The following HYKK variants were observed in gnomAD, a reference collection of about 807,000 sequenced individuals.
HYKK encodes the protein hydroxylysine kinase, also known as 5-hydroxy-L-lysine kinase.
A neutral mutation model predicts 29.7 loss-of-function variants in HYKK; 19 were observed. The ratio of observed to expected loss-of-function variants is 0.64; its 90% CI spans 0.45 to 0.94. HYKK has a LOEUF of 0.94. Ranked by LOEUF, HYKK falls within the 40% of genes least tolerant of loss-of-function variation. The pLI, the probability that HYKK is intolerant of heterozygous loss-of-function variation, is 0.00. For missense variants in HYKK, 390 were observed against 443.4 expected (o/e 0.88, Z 1.08); for synonymous variants, 152 against 158.1 (o/e 0.96, Z 0.29).
intron 3 of HYKK, among the ~76,000 whole-genome samples, chr15:78,523,767 A>G (rs1047306408): frequency 6.6e-6 from 1 of 152,248 alleles, no homozygotes; most frequent in African/African-American, 2.4e-5. Context: ...AAAAGGGAGA[A>G]ATCAGCCAAA....
At position 78,536,519 on chromosome 15, in the gene HYKK, G is replaced by C. The variant is rs1247092722; in HGVS notation, c.*2849G>C. The C allele has an allele frequency of 6.6e-6, 1 of 152,196 alleles. No homozygotes were observed. Among genetic ancestry groups the C allele is most frequent in the East Asian group, 1.9e-4 (1 of 5,204 alleles). 9.4% of individuals were successfully genotyped at this position (152,196 alleles called of 1,614,324 possible). On this transcript the variant is annotated 3_prime_UTR_variant, in exon 5 of 5. Coordinates refer to ENST00000388988, the MANE Select transcript of HYKK (RefSeq NM_001013619.4). ...ACCAGTGTTGATCCTCTGAATTGATGAAACTGTATAGATTTCCCTCTTGAT... is the reference window on the plus strand; with the variant it reads ...ACCAGTGTTGATCCTCTGAATTGATCAAACTGTATAGATTTCCCTCTTGAT...
intron 1 of HYKK, among the ~76,000 whole-genome samples, chr15:78,511,798 G>C (rs1046954151): frequency 6.6e-6 from 1 of 152,072 alleles, no homozygotes; most frequent in Non-Finnish European, 1.5e-5. Flanking sequence ...TTTGGGAGGC[G>C]TAAGTGGGAG....
chr15:78,531,059 T>G lies in HYKK; in HGVS notation c.662-2151T>G, dbSNP rs1390346740. On this transcript the variant is annotated intron_variant, in intron 4 of 4. Coordinates refer to ENST00000388988, the MANE Select transcript of HYKK (RefSeq NM_001013619.4). ...TGTATTTTTAGTAGAGATGGAGTTT[T>G]GCCATGTTGGTCAGGTTGGTCTTGA... 2.6e-5 allele frequency among the ~76,000 whole-genome samples: 4 copies of G among 152,014 alleles called. No homozygotes were observed. In the East Asian group the frequency reaches 7.7e-4, roughly 29 times the overall value.
chr15:78,517,610 C>G (rs1045617255), intron 3 of HYKK, among the ~76,000 whole-genome samples: 3 of 151,970 alleles, frequency 2.0e-5, no homozygotes, highest in Non-Finnish European at 4.4e-5. Context: ...CTCTTTATCT[C>G]CAGTTTTGAG....
At chr15:78,511,927 G>A (rs1025639313) in intron 1 of HYKK, among the ~76,000 whole-genome samples, 8 of 152,140 alleles carry the variant, frequency 5.3e-5, no homozygotes, top group African/African-American at 1.4e-4. Context: ...TTAGGCTGTA[G>A]TAATTTCTCT....
At chr15:78,520,858 G>A (rs1344129011) in intron 3 of HYKK, among the ~76,000 whole-genome samples, 7 of 150,938 alleles carry the variant, frequency 4.6e-5, no homozygotes, top group Non-Finnish European at 7.4e-5. Flanking sequence ...GCAGCTGGCC[G>A]GGCGGGGGGC....
intron 1 of HYKK, among the ~76,000 whole-genome samples, chr15:78,511,731 A>T (rs77203204): frequency 2.8e-4 from 5 of 17,980 alleles, no homozygotes; most frequent in Admixed American, 9.4e-4. Flanking sequence ...GAAAAAAATA[A>T]AAAAAAAAAA....
In HYKK at chr15:78,507,607, G is replaced by C. The variant is rs1010567020; in HGVS notation, c.-70G>C. The C allele has an allele frequency of 1.3e-5, 2 of 152,358 alleles. No individual in the cohort carries two copies. Among genetic ancestry groups the C allele is most frequent in the Non-Finnish European group, 2.9e-5 (2 of 68,180 alleles). 9.4% of individuals were successfully genotyped at this position (152,358 alleles called of 1,614,324 possible). On this transcript the variant is annotated 5_prime_UTR_variant, in exon 1 of 5. Transcript: ENST00000388988. ...GCTCTACCTCCTAGCGCCGGTGCGC[G>C]GCCGAGGCCGCACTACCTGTCTGCG...
Position 78,533,833 on chromosome 15 carries a change from A to G in HYKK, c.*163A>G. On this transcript the variant is annotated 3_prime_UTR_variant, in exon 5 of 5. Coordinates refer to ENST00000388988, the MANE Select transcript of HYKK (RefSeq NM_001013619.4). ...ATGAAATCCCTAAGGTCTTCAAGCA[A>G]TCTCGTGACAATTTTTTAAAATTCA... 1.7e-6 allele frequency: 1 copy of G among 603,414 alleles called. No homozygotes were observed. Among genetic ancestry groups the G allele is most frequent in the Non-Finnish European group, 2.9e-6 (1 of 345,728 alleles). The allele number at this position is 603,414 out of a possible 1,614,324, so 37.4% of individuals were successfully genotyped here. A position where few individuals can be genotyped will look rare whatever the true frequency, so the allele number is the denominator to read the frequency against.
At chr15:78,523,257 C>T (rs2052216386) in intron 3 of HYKK, among the ~76,000 whole-genome samples, 1 of 152,112 alleles carries the variant, frequency 6.6e-6, no homozygotes, top group Non-Finnish European at 1.5e-5. Flanking sequence ...CTAATCATGG[C>T]GGAAGGCAAA....
chr15:78,530,606 GCTA>G (rs1238301228), intron 4 of HYKK, among the ~76,000 whole-genome samples: 1 of 152,110 alleles, frequency 6.6e-6, no homozygotes, highest in Non-Finnish European at 1.5e-5. Context: ...TGTGGCTAGT[GCTA>G]CTAAGGATAT....
chr15:78,510,355 T>TTTTTTA (rs1555410903), intron 1 of HYKK, among the ~76,000 whole-genome samples: 60 of 151,970 alleles, frequency 3.9e-4, no homozygotes, highest in East Asian at 7.7e-4. Context: ...GGCTAATTTT[T>TTTTTTA]TTTTTATTTT....
chr15:78,518,600 C>T (rs1335830100), intron 3 of HYKK: 6 of 455,476 alleles, frequency 1.3e-5, no homozygotes, highest in African/African-American at 4.0e-5. Context: ...GGGTAAGCCC[C>T]GCGTTACACC....
intron 4 of HYKK, among the ~76,000 whole-genome samples, chr15:78,532,889 T>G (rs2052325747): frequency 6.6e-6 from 1 of 152,340 alleles, no homozygotes; most frequent in Non-Finnish European, 1.5e-5. Context: ...ACAATATGAA[T>G]GTGTTTCTAT....
At chr15:78,526,827 T>G (rs564107776) in intron 3 of HYKK, among the ~76,000 whole-genome samples, 5 of 152,326 alleles carry the variant, frequency 3.3e-5, no homozygotes, top group African/African-American at 1.2e-4. Context: ...CTTACTATTT[T>G]GTGAGTTAAA....
intron 3 of HYKK, among the ~76,000 whole-genome samples, 175 bp downstream of exon 3, chr15:78,515,282 C>T (rs955337960): frequency 6.6e-6 from 1 of 152,090 alleles, no homozygotes; most frequent in African/African-American, 2.4e-5. Flanking sequence ...TAACTTCTAC[C>T]TAACTCTTAC....
chr15:78,517,856 C>T (rs2141356595), intron 3 of HYKK, among the ~76,000 whole-genome samples: 1 of 152,288 alleles, frequency 6.6e-6, no homozygotes, highest in East Asian at 1.9e-4. Context: ...GGCACTCTTC[C>T]TGGCCCTGTG....
At position 78,520,224 on chromosome 15, in the gene HYKK, A is replaced by C. The variant is rs150053875; in HGVS notation, c.477+5117A>C. On this transcript the variant is annotated intron_variant, in intron 3 of 4. Coordinates refer to ENST00000388988, the MANE Select transcript of HYKK (RefSeq NM_001013619.4). ...TGCCTTTGCAGGAGCTGAGTTCTTTATTTATTTATTTATTTATTTATTTAT... is the reference window on the plus strand; with the variant it reads ...TGCCTTTGCAGGAGCTGAGTTCTTTCTTTATTTATTTATTTATTTATTTAT... 7.8e-4 allele frequency among the ~76,000 whole-genome samples: 117 copies of C among 149,794 alleles called. 1 individual carries two copies. Among genetic ancestry groups the C allele is most frequent in the African/African-American group, 2.2e-3 (89 of 40,256 alleles).
intron 1 of HYKK, among the ~76,000 whole-genome samples, chr15:78,509,264 A>C (rs540127455): frequency 6.6e-6 from 1 of 152,332 alleles, no homozygotes; most frequent in Non-Finnish European, 1.5e-5. Flanking sequence ...ACTTTTAGTA[A>C]TAATCTAATC....
Sources: allele counts gnomAD v4.1 joint callset (sites outside exome capture counted in the v4.1 genomes callset), GRCh38; gene constraint gnomAD v4.1.1; transcripts MANE v1.5; gene names NCBI Gene and HGNC (gene_info 2026-07-23, HGNC 2026-07-21).